Variants in MYO16 observed in about 807,000 individuals in gnomAD.
MYO16 encodes unconventional myosin-XVI.
A neutral mutation model predicts 205.3 loss-of-function variants in MYO16; 94 were observed. The observed-to-expected ratio is 0.46, with a 90% CI of 0.39 to 0.54. The LOEUF (loss-of-function observed/expected upper bound fraction) is 0.54. Among genes scored for constraint, MYO16 ranks in the 20% least tolerant of loss-of-function variants. The pLI is 0.00. For synonymous variants in MYO16, 988 were observed against 954.0 expected, an observed-to-expected ratio of 1.04 and a Z score of -0.66; for missense variants, 2,315 against 2,387.5, an observed-to-expected ratio of 0.97 and a Z score of 0.63.
chr13:108,949,971 A>T (rs909925822), intron 16 of MYO16, among the ~76,000 whole-genome samples: 1 of 150,640 alleles, frequency 6.6e-6, no homozygotes, highest in Non-Finnish European at 1.5e-5. Flanking sequence ...ACAACTGGGC[A>T]TCCATAGGCA....
rs1433305299 is a variant in MYO16 at position 108,629,630 on chromosome 13, C to T, written c.-215C>T. ...ACGTGCACCAGTGGTGCCTCAAGAC[C>T]CACCGGGGAGAGGCTTATCTTAACT... is the stretch of plus-strand genomic sequence containing the variant. On this transcript the variant is annotated 5_prime_UTR_variant, in exon 1 of 35. Transcript: ENST00000457511. 9.8e-6 allele frequency: 5 copies of T among 510,968 alleles called. No homozygotes were observed. The East Asian group carries it at 1.2e-4, about 12-fold the overall frequency. 31.7% of individuals were successfully genotyped at this position (510,968 alleles called of 1,614,324 possible).
chr13:108,675,966 G>A (rs1048125406), intron 2 of MYO16, among the ~76,000 whole-genome samples: 1 of 152,288 alleles, frequency 6.6e-6, no homozygotes, highest in Middle Eastern at 3.4e-3. Context: ...TAGTTGGTTA[G>A]ATAATACATG....
At chr13:108,777,743 T>A (rs1033705888) in intron 4 of MYO16, among the ~76,000 whole-genome samples, 2 of 152,194 alleles carry the variant, frequency 1.3e-5, no homozygotes, top group South Asian at 2.1e-4. Context: ...CCAATGTCAG[T>A]GAATTAATAT....
At chr13:108,901,948 AG>A (rs2139213902) in intron 15 of MYO16, among the ~76,000 whole-genome samples, 1 of 152,326 alleles carries the variant, frequency 6.6e-6, no homozygotes, top group East Asian at 1.9e-4. Flanking sequence ...GAGAAATAAA[AG>A]GAATATGTTC....
intron 23 of MYO16, among the ~76,000 whole-genome samples, chr13:109,031,535 A>G (rs9559465): frequency 0.16 from 24,884 of 152,156 alleles, 2,171 homozygotes; most frequent in East Asian, 0.24. Context: ...GGCATAAATG[A>G]TACCTTTTAA....
At chr13:109,076,730 T>C (rs1040992504) in intron 27 of MYO16, among the ~76,000 whole-genome samples, 2 of 152,086 alleles carry the variant, frequency 1.3e-5, no homozygotes, top group Non-Finnish European at 1.5e-5. Context: ...GTTTTCCTCT[T>C]CCAGTGAGCC....
At chr13:109,032,479 G>A (rs1886575875) in intron 23 of MYO16, among the ~76,000 whole-genome samples, 1 of 152,178 alleles carries the variant, frequency 6.6e-6, no homozygotes, top group Admixed American at 6.5e-5. Context: ...GTGTAAGAAG[G>A]TTCCCATGAA....
chr13:108,654,612 A>G (rs1373328846), intron 1 of MYO16, among the ~76,000 whole-genome samples: 1 of 152,208 alleles, frequency 6.6e-6, no homozygotes, highest in Non-Finnish European at 1.5e-5. Context: ...TAACTTTGGA[A>G]CTGCATAACA....
intron 16 of MYO16, among the ~76,000 whole-genome samples, chr13:108,943,522 A>G (rs553601980): frequency 6.6e-6 from 1 of 152,050 alleles, no homozygotes; most frequent in African/African-American, 2.4e-5. Flanking sequence ...CAGTGACACG[A>G]TCTCGGCTCA....
chr13:108,937,870 A>G (rs1882560140), intron 16 of MYO16, among the ~76,000 whole-genome samples: 1 of 152,096 alleles, frequency 6.6e-6, no homozygotes, highest in Non-Finnish European at 1.5e-5. Context: ...TGAATGCTTT[A>G]CCTGTCATTT....
rs1876338207 is a variant in MYO16 at position 109,127,813 on chromosome 13, C to G, written c.4051+263C>G. ...TCCAAAGAGCAGTATCAAATCAATT[C>G]AGAAAGTCGGCAGCTATTCCATGTA... On this transcript the variant is annotated intron_variant, in intron 31 of 34. Transcript: ENST00000457511. The surrounding 1 kb of genome is among the most constrained non-coding windows in gnomAD (Gnocchi z 4.2). Among the ~76,000 whole-genome samples, 9 of 147,306 alleles carry G rather than the reference C, an allele frequency of 6.1e-5. No homozygotes were observed. The South Asian group carries it at 1.9e-3, about 31-fold the overall frequency.
Position 109,141,124 on chromosome 13 carries a change from G to A in MYO16, c.4912G>A (p.Val1638Ile). 1.9e-6 allele frequency: 3 copies of A among 1,578,050 alleles called. No individual in the cohort carries two copies. The highest frequency in any genetic ancestry group is 1.2e-5 in the South Asian group (1 of 86,776). ...GGGGCCGAGCGCAGAGGCGCCCAAG[G>A]TTCACCCAAAGCCAAACTCTGCCCC... ...KAGPSAEAPK[V>I]HPKPNSAPVA... Residue 1638 changes from valine (V) to isoleucine (I), a missense_variant, in exon 32 of 35, where the codon GTT becomes ATT. Around this residue, in one of 3 missense-constraint regions of MYO16, gnomAD observed 1,097 missense variants for 1,092.0 expected, o/e 1.00. Transcript: ENST00000457511. This position sits in a 1 kb window ranked among gnomAD's most constrained non-coding sequence, Gnocchi z 4.1.
chr13:108,831,041 C>G (rs947582150), intron 9 of MYO16, among the ~76,000 whole-genome samples: 1 of 152,130 alleles, frequency 6.6e-6, no homozygotes, highest in African/African-American at 2.4e-5. Flanking sequence ...ACAGTGTCCT[C>G]ACATGGTGGA....
At chr13:108,763,245 T>C (rs994395907) in intron 4 of MYO16, among the ~76,000 whole-genome samples, 2 of 152,178 alleles carry the variant, frequency 1.3e-5, no homozygotes, top group African/African-American at 4.8e-5. Context: ...GTTCATGGAA[T>C]GGTATATACT....
At chr13:109,097,639 A>G (rs277849) in intron 27 of MYO16, among the ~76,000 whole-genome samples, 119,283 of 152,178 alleles carry the variant, frequency 0.78, 46,919 homozygotes, top group Middle Eastern at 0.87. Flanking sequence ...TCACCCATCA[A>G]CAAATCACTG....
rs548954698 is a variant in MYO16, at chr13:109,047,345, C to A, written c.2872+354C>A. The stretch of plus-strand genomic sequence containing the variant: ...AGCCACAACAGGGAGAATTTCATTA[C>A]TTAAGATGACTCTGGAGCACAACTA... On this transcript the variant is annotated intron_variant, in intron 24 of 34. Transcript: ENST00000457511. Among the ~76,000 whole-genome samples, 5 of 152,196 alleles carry A rather than the reference C, an allele frequency of 3.3e-5. No homozygotes were observed. In the East Asian group the frequency reaches 9.6e-4, roughly 29 times the overall value.
chr13:108,610,286 G>C (rs543745376), intron 1 of MYO16, among the ~76,000 whole-genome samples: 4 of 152,124 alleles, frequency 2.6e-5, no homozygotes, highest in African/African-American at 9.7e-5. Flanking sequence ...TGTGTGCTCC[G>C]TCGATGCCTT....
At chr13:109,041,652 G>T (rs1004172132) in intron 23 of MYO16, among the ~76,000 whole-genome samples, 1 of 152,112 alleles carries the variant, frequency 6.6e-6, no homozygotes, top group African/African-American at 2.4e-5. Context: ...CAATATCCTG[G>T]TTGTGATAGT....
intron 2 of MYO16, among the ~76,000 whole-genome samples, chr13:108,679,952 C>T (rs2139465830): frequency 6.6e-6 from 1 of 152,242 alleles, no homozygotes; most frequent in South Asian, 2.1e-4. Context: ...CTGCCATCCC[C>T]TATCTAGAAC....
Sources: gnomAD v4.1 joint callset for allele counts (sites outside exome capture counted in the v4.1 genomes callset) on GRCh38, gnomAD v4.1.1 for gene constraint, gnomAD v4.1.1 regional missense constraint, Gnocchi (gnomAD v3.1) non-coding constraint, MANE v1.5 for transcripts, NCBI Gene and HGNC (gene_info 2026-07-23, HGNC 2026-07-21) for gene names.